GLG1: variants seen among roughly 807,000 people sequenced by gnomAD.
The protein encoded by GLG1 is golgi glycoprotein 1.
Under a neutral mutation model 160.5 loss-of-function variants are expected in GLG1, and 38 were observed. The observed-to-expected ratio is 0.24, with a 90% confidence interval of 0.18 to 0.31. GLG1 has a LOEUF of 0.31. Among genes scored for constraint, GLG1 ranks in the 10% least tolerant of loss-of-function variants. The pLI, the probability that GLG1 is intolerant of heterozygous loss-of-function variation, is 1.00. For missense variants in GLG1, 1,373 were observed against 1,505.2 expected, an observed-to-expected ratio of 0.91 and a Z score of 1.45; for synonymous variants, 644 against 543.4, an observed-to-expected ratio of 1.19 and a Z score of -2.57.
chr16:74,466,138 T>C (rs760793184), intron 18 of GLG1, among the ~76,000 whole-genome samples: 1 of 152,180 alleles, frequency 6.6e-6, no homozygotes, highest in Non-Finnish European at 1.5e-5. Context: ...TCTCTGCATT[T>C]TCCCAGAGCA....
intron 10 of GLG1, among the ~76,000 whole-genome samples, chr16:74,481,807 C>T (rs919815900): frequency 5.3e-5 from 8 of 151,846 alleles, no homozygotes; most frequent in African/African-American, 1.7e-4. Context: ...TTTTTTGAGA[C>T]GGAGTCTCGC....
chr16:74,526,329 A>G (rs1172029129), intron 2 of GLG1, among the ~76,000 whole-genome samples: 3 of 147,166 alleles, frequency 2.0e-5, no homozygotes, highest in Admixed American at 6.9e-5. Context: ...GTATGAAGAC[A>G]TATTTTATGG....
intron 2 of GLG1, among the ~76,000 whole-genome samples, chr16:74,531,592 G>C (rs575081444): frequency 1.4e-3 from 206 of 152,232 alleles, no homozygotes; most frequent in Non-Finnish European, 2.5e-3. Flanking sequence ...CTCCCAAACA[G>C]GTGGGATTAC....
At chr16:74,547,863 A>G (rs1211723959) in intron 1 of GLG1, among the ~76,000 whole-genome samples, 2 of 152,244 alleles carry the variant, frequency 1.3e-5, no homozygotes, top group African/African-American at 4.8e-5. Context: ...TAAAGTATTC[A>G]TTTAATCCAC....
chr16:74,529,271 G>C (rs982253800), intron 2 of GLG1, among the ~76,000 whole-genome samples: 2 of 152,036 alleles, frequency 1.3e-5, no homozygotes, highest in Non-Finnish European at 2.9e-5. Context: ...ACCTGGCCAT[G>C]AATCTGTTTT....
At chr16:74,591,293 T>C (rs931085624) in intron 1 of GLG1, among the ~76,000 whole-genome samples, 11 of 150,652 alleles carry the variant, frequency 7.3e-5, no homozygotes, top group Admixed American at 1.3e-4. Context: ...ATCGTGCCAC[T>C]GCACTCCAGC....
chr16:74,491,142 C>G lies in GLG1; in HGVS notation c.1308G>C (p.Leu436=). The G allele has an allele frequency of 6.2e-7, 1 of 1,614,118 alleles. No homozygotes were observed. Among genetic ancestry groups the G allele is most frequent in the Non-Finnish European group, 8.5e-7 (1 of 1,179,990 alleles). ...YRRMLMEDFS[L]SPEIILSCRG... ...GACAGCTTAGGATGATCTCAGGGCT[C>G]AGAGAAAAGTCTTCCATCAACATGC... Residue 436 remains leucine (L), a synonymous_variant, in exon 8 of 26, where the codon CTG becomes CTC. Coordinates refer to ENST00000422840, the MANE Select transcript of GLG1 (RefSeq NM_001145667.2).
intron 1 of GLG1, among the ~76,000 whole-genome samples, chr16:74,583,227 C>T (rs1444281286): frequency 1.3e-5 from 2 of 152,164 alleles, no homozygotes; most frequent in Non-Finnish European, 2.9e-5. Context: ...CAACTATAGC[C>T]TTATAAGCAG....
chr16:74,584,928 A>G (rs1958012853), intron 1 of GLG1, among the ~76,000 whole-genome samples: 1 of 132,948 alleles, frequency 7.5e-6, no homozygotes, highest in Non-Finnish European at 1.6e-5. Context: ...AACAAACAAC[A>G]AAAAAACCCC....
At chr16:74,584,101 T>C (rs1482688467) in intron 1 of GLG1, among the ~76,000 whole-genome samples, 3 of 152,140 alleles carry the variant, frequency 2.0e-5, no homozygotes, top group Non-Finnish European at 2.9e-5. Context: ...CAATTCATAG[T>C]GCCCCGAGTA....
intron 19 of GLG1, 47 bp downstream of exon 19, chr16:74,465,629 T>C (rs778773277): frequency 2.5e-6 from 4 of 1,593,934 alleles, no homozygotes; most frequent in Non-Finnish European, 3.4e-6. Context: ...TTGTGCTTTG[T>C]TGTTTTGTTG....
At chr16:74,573,757 G>A (rs1251340270) in intron 1 of GLG1, among the ~76,000 whole-genome samples, 2 of 150,946 alleles carry the variant, frequency 1.3e-5, no homozygotes, top group African/African-American at 4.9e-5. Flanking sequence ...CAAAGAGCTG[G>A]GATTACATGT....
In GLG1 at chr16:74,485,814, A is replaced by T; in HGVS notation, c.1553T>A (p.Ile518Lys). 4 of 1,613,186 alleles carry T rather than the reference A, an allele frequency of 2.5e-6. No individual in the cohort carries two copies. The highest frequency in any genetic ancestry group is 3.4e-6 in the Non-Finnish European group (4 of 1,179,218). ...AACTTACATTGGGTCTCCAGATCTT[A>T]TATGTTTGCAGGCTGTCTGGATTAC... ...ESVIQTACKHIRSGDPMILSC... is the reference protein window; with the variant it reads ...ESVIQTACKHKRSGDPMILSC... Residue 518 changes from isoleucine to lysine, a missense_variant, in exon 9 of 26, where the codon ATA becomes AAA. Transcript: ENST00000422840.
intron 20 of GLG1, chr16:74,463,030 C>A: frequency 2.4e-6 from 1 of 423,744 alleles, no homozygotes; most frequent in Non-Finnish European, 4.2e-6. Context: ...TGTTTCTGTT[C>A]CGAATCAGAT....
chr16:74,560,207 C>T (rs1392641024), intron 1 of GLG1, among the ~76,000 whole-genome samples: 6 of 152,080 alleles, frequency 3.9e-5, no homozygotes, highest in Admixed American at 3.9e-4. Flanking sequence ...TGGGTGGGTC[C>T]CATTCCATCA....
intron 1 of GLG1, among the ~76,000 whole-genome samples, chr16:74,539,805 T>C (rs1400781707): frequency 2.0e-5 from 3 of 147,030 alleles, no homozygotes; most frequent in Non-Finnish European, 4.5e-5. Flanking sequence ...AAACTTTACT[T>C]TGAGAAGTCA....
intron 2 of GLG1, among the ~76,000 whole-genome samples, chr16:74,515,952 CAAAG>C (rs1206909883): frequency 1.3e-5 from 2 of 150,918 alleles, no homozygotes; most frequent in African/African-American, 2.5e-5. Context: ...TCAAAAGAGA[CAAAG>C]AAAGCCATTA....
At chr16:74,578,524 A>G (rs1346879301) in intron 1 of GLG1, among the ~76,000 whole-genome samples, 1 of 152,206 alleles carries the variant, frequency 6.6e-6, no homozygotes, top group Non-Finnish European at 1.5e-5. Flanking sequence ...AAATTAGGTA[A>G]ATAAGAGTAA....
intron 14 of GLG1, among the ~76,000 whole-genome samples, chr16:74,471,488 C>G (rs1384475324): frequency 2.0e-5 from 3 of 152,168 alleles, no homozygotes; most frequent in African/African-American, 7.2e-5. Context: ...GCACTGTGTT[C>G]CGTATAAGAC....
Sources: gnomAD v4.1 joint callset for allele counts (sites outside exome capture counted in the v4.1 genomes callset) on GRCh38, gnomAD v4.1.1 for gene constraint, MANE v1.5 for transcripts, NCBI Gene and HGNC (gene_info 2026-07-23, HGNC 2026-07-21) for gene names.